The following SEC24A variants were observed in gnomAD, a reference collection of about 807,000 sequenced individuals.
The protein encoded by SEC24A is protein transport protein Sec24A.
Under a neutral mutation model 129.4 loss-of-function variants are expected in SEC24A, and 93 were observed. The observed-to-expected ratio is 0.72, with a 90% confidence interval of 0.61 to 0.85. The LOEUF is 0.85. SEC24A is among the 40% of genes least tolerant of loss of function. The probability of loss-of-function intolerance (pLI) is 0.00; values close to 1 mark genes in which losing one functional copy is unlikely to be tolerated. For synonymous variants in SEC24A, 460 were observed against 467.3 expected (o/e 0.98, Z 0.20); for missense variants, 1,264 against 1,307.4 (o/e 0.97, Z 0.51).
intron 11 of SEC24A, among the ~76,000 whole-genome samples, chr5:134,691,706 A>G (rs1413815247): frequency 1.3e-5 from 2 of 150,612 alleles, no homozygotes; most frequent in Admixed American, 6.6e-5. Context: ...GTTTCACCAC[A>G]TTGCTCCTGA....
intron 1 of SEC24A, among the ~76,000 whole-genome samples, chr5:134,659,335 G>T (rs757319081): frequency 3.3e-5 from 5 of 152,084 alleles, no homozygotes; most frequent in Non-Finnish European, 7.4e-5. Context: ...GCCTCCCAAA[G>T]TGCTGGGATT....
At chr5:134,677,816 A>G (rs1224468851) in intron 7 of SEC24A, among the ~76,000 whole-genome samples, 1 of 151,476 alleles carries the variant, frequency 6.6e-6, no homozygotes, top group African/African-American at 2.4e-5. Flanking sequence ...AGTCTGGGCA[A>G]TAGAGTGAGA....
At chr5:134,711,805 T>A (rs1275948680) in intron 18 of SEC24A, among the ~76,000 whole-genome samples, 1 of 151,910 alleles carries the variant, frequency 6.6e-6, no homozygotes, top group Non-Finnish European at 1.5e-5. Context: ...TGGAGTGCAG[T>A]GGCGCAATCT....
At chr5:134,673,526 C>T (rs1750948665) in intron 4 of SEC24A, among the ~76,000 whole-genome samples, 1 of 152,016 alleles carries the variant, frequency 6.6e-6, no homozygotes. Context: ...GCAGTGGGCA[C>T]AATCTCGGCT....
intron 7 of SEC24A, among the ~76,000 whole-genome samples, chr5:134,677,340 G>T (rs1386728252): frequency 6.6e-6 from 1 of 151,950 alleles, no homozygotes; most frequent in African/African-American, 2.4e-5. Flanking sequence ...GAAGAAAAAA[G>T]AAACTGATCT....
chr5:134,681,351 G>A (rs1396245277), intron 8 of SEC24A, among the ~76,000 whole-genome samples: 6 of 149,934 alleles, frequency 4.0e-5, no homozygotes, highest in Non-Finnish European at 6.0e-5. Context: ...AGTGAACCGA[G>A]ATTGCACCAT....
intron 17 of SEC24A, 75 bp from the exon 18 acceptor site, chr5:134,708,638 C>A: frequency 7.7e-7 from 1 of 1,296,198 alleles, no homozygotes; most frequent in Admixed American, 2.4e-5. Flanking sequence ...TAAAAATTAT[C>A]TCTTCTATCC....
At chr5:134,660,815 C>A (rs1750427427) in intron 1 of SEC24A, among the ~76,000 whole-genome samples, 1 of 152,094 alleles carries the variant, frequency 6.6e-6, no homozygotes, top group Non-Finnish European at 1.5e-5. Context: ...CCTTGGCCTC[C>A]CAAAGTGCTG....
chr5:134,719,399 AAG>A (rs1554142524), intron 20 of SEC24A, among the ~76,000 whole-genome samples: 1 of 150,598 alleles, frequency 6.6e-6, no homozygotes, highest in African/African-American at 2.4e-5. Context: ...AAAAAAAAAA[AAG>A]AAGAAGTTGG....
At chr5:134,696,424 AACT>A (rs1324724652) in intron 13 of SEC24A, among the ~76,000 whole-genome samples, 1 of 152,132 alleles carries the variant, frequency 6.6e-6, no homozygotes, top group Non-Finnish European at 1.5e-5. Flanking sequence ...AATCTTTACC[AACT>A]ATGAAATTAT....
rs921335631 is a variant in SEC24A, at chr5:134,714,897, T to A, written c.2728-127T>A. On this transcript the variant is annotated intron_variant, in intron 18 of 22. Transcript: ENST00000398844. ...GTGTGACTTCTTAAAAAAGATACTT[T>A]AAAAAAATTAACAGTAAATTTGTGA... 17 of 943,346 alleles carry A rather than the reference T, an allele frequency of 1.8e-5. No individual in the cohort carries two copies. In the African/African-American group the frequency reaches 2.2e-4, roughly 12 times the overall value. The allele number at this position is 943,346 out of a possible 1,614,324, so 58.4% of individuals were successfully genotyped here. A position where few individuals can be genotyped will look rare whatever the true frequency, so the allele number is the denominator to read the frequency against.
At position 134,708,895 on chromosome 5, in the gene SEC24A, A is replaced by G. The variant is rs1239199530; in HGVS notation, c.2727+7A>G. 6.2e-7 allele frequency: 1 copy of G among 1,611,364 alleles called. No individual in the cohort carries two copies. Among genetic ancestry groups the G allele is most frequent in the Non-Finnish European group, 8.5e-7 (1 of 1,179,126 alleles). On this transcript the variant is annotated splice_region_variant and intron_variant, in intron 18 of 22. Coordinates refer to ENST00000398844, the MANE Select transcript of SEC24A (RefSeq NM_021982.3). ...GTTGGCTCTCCTTAAACAGGTAAGA[A>G]AAACAGATATAGAAACTAACACAAT...
At chr5:134,648,756 TGCGGCTGC>T (rs755805408), upstream of SEC24A, 23 of 203,804 alleles carry the variant, frequency 1.1e-4, no homozygotes, top group Non-Finnish European at 2.0e-4. Flanking sequence ...GTGTCCTGAT[TGCGGCTGC>T]GCGGCCGGCG....
intron 15 of SEC24A, among the ~76,000 whole-genome samples, 157 bp downstream of exon 15, chr5:134,698,214 A>C (rs1237814593): frequency 1.3e-5 from 2 of 152,188 alleles, no homozygotes; most frequent in Non-Finnish European, 2.9e-5. Context: ...TAACCAAAAA[A>C]AGGGGGCCTA....
chr5:134,661,030 G>T, intron 1 of SEC24A, 89 bp from the exon 2 acceptor site: 1 of 925,430 alleles, frequency 1.1e-6, no homozygotes, highest in Non-Finnish European at 1.7e-6. Context: ...TGTTTTTATT[G>T]CTGACTGTAA....
Position 134,725,320 on chromosome 5 carries a change from T to C in SEC24A, c.*226T>C. The stretch of plus-strand genomic sequence containing the variant: ...CAAATCAGAATATAGCTACGTATGA[T>C]TGGATACTTTTTTCTTGCCAATTAT... On this transcript the variant is annotated 3_prime_UTR_variant, in exon 23 of 23. Transcript: ENST00000398844. 2.9e-6 allele frequency: 1 copy of C among 345,982 alleles called. No individual in the cohort carries two copies. Among genetic ancestry groups the C allele is most frequent in the East Asian group, 5.0e-5 (1 of 20,046 alleles). 21.4% of individuals were successfully genotyped at this position (345,982 alleles called of 1,614,324 possible).
At chr5:134,670,485 C>T (rs181213849) in intron 3 of SEC24A, among the ~76,000 whole-genome samples, 21 of 152,280 alleles carry the variant, frequency 1.4e-4, no homozygotes, top group African/African-American at 4.6e-4. Context: ...TGAATTAGAG[C>T]TCATACTTAG....
intron 15 of SEC24A, 111 bp downstream of exon 15, chr5:134,698,168 C>G (rs967282042): frequency 3.4e-6 from 3 of 871,294 alleles, no homozygotes; most frequent in African/African-American, 3.4e-5. Context: ...TTTGCCTACT[C>G]TGGAATATGC....
intron 1 of SEC24A, among the ~76,000 whole-genome samples, chr5:134,656,118 T>C (rs954026237): frequency 6.6e-6 from 1 of 150,620 alleles, no homozygotes; most frequent in African/African-American, 2.4e-5. Context: ...AGTCTTGCTC[T>C]GTTGCCCAGG....
Sources: gnomAD v4.1 joint callset for allele counts (sites outside exome capture counted in the v4.1 genomes callset) on GRCh38, gnomAD v4.1.1 for gene constraint, MANE v1.5 for transcripts, NCBI Gene and HGNC (gene_info 2026-07-23, HGNC 2026-07-21) for gene names.